The following GRIN2B variants were observed in gnomAD, a reference collection of about 807,000 sequenced individuals.
GRIN2B encodes glutamate ionotropic receptor NMDA type subunit 2B.
A neutral mutation model predicts 114.5 loss-of-function variants in GRIN2B; 5 were observed. That is an observed-to-expected ratio of 0.04 (90% CI 0.02 to 0.09). GRIN2B has a LOEUF of 0.09. Ranked by LOEUF, GRIN2B falls within the 10% of genes least tolerant of loss-of-function variation. The pLI, the probability that GRIN2B is intolerant of heterozygous loss-of-function variation, is 1.00. For missense variants in GRIN2B, 1,108 were observed against 1,943.5 expected (o/e 0.57, Z 8.08); for synonymous variants, 787 against 745.1 (o/e 1.06, Z -0.92).
chr12:13,750,158 G>A (rs888898463), intron 4 of GRIN2B, among the ~76,000 whole-genome samples: 11 of 152,182 alleles, frequency 7.2e-5, no homozygotes, highest in African/African-American at 2.7e-4. Flanking sequence ...CAGTCTCTCT[G>A]CTCTACACTG....
Position 13,561,162 on chromosome 12 carries a change from T to C in GRIN2B, c.*1621A>G, listed in dbSNP as rs7307302. 1 allele frequency: 151,964 copies of C among 152,220 alleles called. 75,854 individuals are homozygous for C. The highest frequency in any genetic ancestry group is 1 in the Middle Eastern group (294 of 294). The allele number at this position is 152,220 out of a possible 1,614,324, so 9.4% of individuals were successfully genotyped here. A position where few individuals can be genotyped will look rare whatever the true frequency, so the allele number is the denominator to read the frequency against. On this transcript the variant is annotated 3_prime_UTR_variant, in exon 14 of 14. Transcript: ENST00000609686. ...TAAGTGAAGGGAGCATCAGTTCTGC[T>C]GGTACCCTCATCCCTGGAGTTTTAT...
chr12:13,743,780 T>G (rs564962868), intron 4 of GRIN2B, among the ~76,000 whole-genome samples: 38 of 152,350 alleles, frequency 2.5e-4, no homozygotes, highest in African/African-American at 8.7e-4. Context: ...ATTATCTGTA[T>G]GAAAATCCTC....
At chr12:13,962,085 T>TACACAC (rs754107657) in intron 2 of GRIN2B, among the ~76,000 whole-genome samples, 1,647 of 60,394 alleles carry the variant, frequency 0.027, 22 homozygotes, top group Non-Finnish European at 0.042. Flanking sequence ...GTCTCTCTCA[T>TACACAC]ACATACACAC....
chr12:13,954,756 C>T (rs1867554390), intron 2 of GRIN2B, among the ~76,000 whole-genome samples: 1 of 133,290 alleles, frequency 7.5e-6, no homozygotes, highest in Non-Finnish European at 1.5e-5. Context: ...TTGCTGTGAG[C>T]CGAGATCTTG....
chr12:13,729,503 G>A, intron 4 of GRIN2B, among the ~76,000 whole-genome samples: 1 of 152,096 alleles, frequency 6.6e-6, no homozygotes, highest in East Asian at 1.9e-4. Flanking sequence ...CTTGGAGGCG[G>A]GTGGAAGGAA....
chr12:13,754,649 G>A (rs1183672901), intron 3 of GRIN2B, among the ~76,000 whole-genome samples: 2 of 152,172 alleles, frequency 1.3e-5, no homozygotes, highest in Admixed American at 6.5e-5. Context: ...AATAATATAT[G>A]CAGAACAGAA....
At chr12:13,573,070 T>G (rs943690387) in intron 10 of GRIN2B, among the ~76,000 whole-genome samples, 1 of 130,732 alleles carries the variant, frequency 7.6e-6, no homozygotes, top group Admixed American at 7.2e-5. Context: ...GCATAAACGC[T>G]CTGTGCATCC....
At chr12:13,622,118 A>G (rs1265927022) in intron 5 of GRIN2B, among the ~76,000 whole-genome samples, 1 of 152,180 alleles carries the variant, frequency 6.6e-6, no homozygotes, top group Non-Finnish European at 1.5e-5. Context: ...TCTGCATAGA[A>G]AGTCATTTTT....
intron 5 of GRIN2B, among the ~76,000 whole-genome samples, chr12:13,624,412 A>C (rs1288868285): frequency 6.6e-6 from 1 of 152,192 alleles, no homozygotes; most frequent in East Asian, 1.9e-4. Context: ...TCCTGATTAT[A>C]AAGTTACCCT....
At chr12:13,825,035 T>C (rs1865007191) in intron 3 of GRIN2B, among the ~76,000 whole-genome samples, 1 of 152,150 alleles carries the variant, frequency 6.6e-6, no homozygotes, top group South Asian at 2.1e-4. Flanking sequence ...TTGTTTATCT[T>C]CCTTCTTTTG....
intron 3 of GRIN2B, among the ~76,000 whole-genome samples, chr12:13,814,398 T>G (rs1438900395): frequency 6.6e-6 from 1 of 152,232 alleles, no homozygotes; most frequent in East Asian, 1.9e-4. Context: ...GTGTTTGTTT[T>G]AGTGTAATGC....
chr12:13,897,174 T>C (rs922001608), intron 2 of GRIN2B, among the ~76,000 whole-genome samples: 6 of 152,120 alleles, frequency 3.9e-5, no homozygotes, highest in African/African-American at 1.4e-4. Flanking sequence ...CCTGATGTGT[T>C]AGAAAAGTTT....
rs79227371 is a variant in GRIN2B, at chr12:13,688,876, A to G, written c.1011-13017T>C. On this transcript the variant is annotated intron_variant, in intron 4 of 13. Transcript: ENST00000609686. ...ACTTATGATCTGGACAATCAAATAC[A>G]TAAATTAGTCTCAGTACTTACCCTG... Among the ~76,000 whole-genome samples the G allele has an allele frequency of 5.5e-3, 831 of 152,302 alleles. 14 individuals carry two copies. The highest frequency in any genetic ancestry group is 6.8e-3 in the Middle Eastern group (2 of 294).
At chr12:13,569,428 T>C (rs1424256964) in intron 12 of GRIN2B, among the ~76,000 whole-genome samples, 1 of 152,144 alleles carries the variant, frequency 6.6e-6, no homozygotes, top group Non-Finnish European at 1.5e-5. Flanking sequence ...ACATGCACAC[T>C]GGTAAAACAC....
At chr12:13,670,618 T>C (rs1194520720) in intron 5 of GRIN2B, among the ~76,000 whole-genome samples, 2 of 152,142 alleles carry the variant, frequency 1.3e-5, no homozygotes, top group African/African-American at 2.4e-5. Flanking sequence ...TGCATCTCTG[T>C]GCCAGACTAT....
chr12:13,940,714 G>A (rs1867229064), intron 2 of GRIN2B, among the ~76,000 whole-genome samples: 1 of 150,706 alleles, frequency 6.6e-6, no homozygotes, highest in Non-Finnish European at 1.5e-5. Flanking sequence ...CAGGTGGCCT[G>A]GCTGGTAGAA....
At chr12:13,834,020 C>CTTTTTTT (rs71067731) in intron 3 of GRIN2B, among the ~76,000 whole-genome samples, 7 of 72,588 alleles carry the variant, frequency 9.6e-5, no homozygotes, top group African/African-American at 1.0e-4. Flanking sequence ...TTGCTAACTT[C>CTTTTTTT]TTTTTTTTTT....
rs149343876 is a variant in GRIN2B, at chr12:13,901,140, AG to A, written c.-18-34915del. Among the ~76,000 whole-genome samples the A allele has an allele frequency of 6.6e-3, 1,006 of 152,298 alleles. 12 individuals carry two copies. The highest frequency in any genetic ancestry group is 0.022 in the African/African-American group (933 of 41,570). ...CTCTTCTACATTCTCACCAACATTC[AG>A]TATTGCCAAGTTTAAACAATGTTTT... On this transcript the variant is annotated intron_variant, in intron 2 of 13. Coordinates refer to ENST00000609686, the MANE Select transcript of GRIN2B (RefSeq NM_000834.5).
At position 13,919,845 on chromosome 12, in the gene GRIN2B, T is replaced by G. The variant is rs1471642882; in HGVS notation, c.-18-53619A>C. Among the ~76,000 whole-genome samples the G allele has an allele frequency of 2.0e-5, 3 of 152,100 alleles. No individual in the cohort carries two copies. In the East Asian group the frequency reaches 5.8e-4, roughly 29 times the overall value. On this transcript the variant is annotated intron_variant, in intron 2 of 13. Transcript: ENST00000609686. ...GAACTCAAAAAAAAAGCAGACATTC[T>G]TGGGGTCATATCAGAATCACCTTGA...
Sources: gnomAD v4.1 joint callset for allele counts (sites outside exome capture counted in the v4.1 genomes callset) on GRCh38, gnomAD v4.1.1 for gene constraint, MANE v1.5 for transcripts, NCBI Gene and HGNC (gene_info 2026-07-23, HGNC 2026-07-21) for gene names.